The following SCN8A variants were observed in gnomAD, a reference collection of about 807,000 sequenced individuals.
SCN8A encodes sodium voltage-gated channel alpha subunit 8.
In SCN8A, 30 loss-of-function variants were observed where a neutral mutation model predicts 184.1. That is an observed-to-expected ratio of 0.16 (90% confidence interval 0.12 to 0.22). The LOEUF (loss-of-function observed/expected upper bound fraction) is 0.22. SCN8A is among the 10% of genes least tolerant of loss of function. SCN8A has a pLI of 1.00. For synonymous variants in SCN8A, 852 were observed against 907.0 expected (o/e 0.94, Z 1.09); for missense variants, 1,057 against 2,498.9 (o/e 0.42, Z 12.30).
intron 1 of SCN8A, among the ~76,000 whole-genome samples, chr12:51,640,125 T>C (rs1940415868): frequency 6.8e-6 from 1 of 147,428 alleles, no homozygotes; most frequent in African/African-American, 2.5e-5. Context: ...TGCCCAGGCT[T>C]GTCTTAAACT....
chr12:51,649,454 C>G (rs1311693702), intron 1 of SCN8A, among the ~76,000 whole-genome samples: 1 of 152,250 alleles, frequency 6.6e-6, no homozygotes, highest in African/African-American at 2.4e-5. Flanking sequence ...CGTCCTGCCC[C>G]ACAGCAAACT....
intron 1 of SCN8A, among the ~76,000 whole-genome samples, chr12:51,599,342 T>C (rs1259546395): frequency 6.6e-6 from 1 of 152,194 alleles, no homozygotes; most frequent in African/African-American, 2.4e-5. Context: ...AATAAATTGA[T>C]TTTTTAGGAA....
At position 51,786,527 on chromosome 12, in the gene SCN8A, C is replaced by T; in HGVS notation, c.3943-15C>T. On this transcript the variant is annotated splice_polypyrimidine_tract_variant and intron_variant, in intron 21 of 26. Transcript: ENST00000627620. ...ATTTCCACCCAACACTGAGCAACCT[C>T]CCCTTCCAATGCAGGTGGTGGTGAA... The T allele has an allele frequency of 6.2e-7, 1 of 1,614,026 alleles. No individual in the cohort carries two copies. The highest frequency in any genetic ancestry group is 8.5e-7 in the Non-Finnish European group (1 of 1,179,934).
intron 12 of SCN8A, among the ~76,000 whole-genome samples, chr12:51,733,993 A>T (rs1344711591): frequency 6.6e-6 from 1 of 151,868 alleles, no homozygotes. Context: ...AAGGTTTGTC[A>T]ATTTTGTTTA....
rs955288694 is a variant in SCN8A, at chr12:51,713,512, T to G, written c.1635+6797T>G. On this transcript the variant is annotated intron_variant, in intron 11 of 26. Transcript: ENST00000627620. ...ACCAATAAACAGTTTTCTCAACTGC[T>G]CTGGTTCCTTTGGGTCATGGCCCTC... 3 of 761,816 alleles carry G rather than the reference T, an allele frequency of 3.9e-6. No homozygotes were observed. The African/African-American group carries it at 5.1e-5, about 13-fold the overall frequency. The allele number at this position is 761,816 out of a possible 1,614,324, so 47.2% of individuals were successfully genotyped here. A position where few individuals can be genotyped will look rare whatever the true frequency, so the allele number is the denominator to read the frequency against.
At chr12:51,767,563 G>A (rs930875111) in intron 16 of SCN8A, among the ~76,000 whole-genome samples, 1 of 151,986 alleles carries the variant, frequency 6.6e-6, no homozygotes, top group African/African-American at 2.4e-5. Context: ...AATTCATTCA[G>A]TACTTTATAA....
chr12:51,695,247 C>T lies in SCN8A; in HGVS notation c.707-4323C>T, dbSNP rs369335681. ...AAGTATAAGCAGCTGAATACCATTT[C>T]CAATTAAGTTTCTACTTTAAACATC... is the stretch of plus-strand genomic sequence containing the variant. On this transcript the variant is annotated intron_variant, in intron 6 of 26. Coordinates refer to ENST00000627620, the MANE Select transcript of SCN8A (RefSeq NM_001330260.2). Among the ~76,000 whole-genome samples, 15 of 152,278 alleles carry T rather than the reference C, an allele frequency of 9.9e-5. No homozygotes were observed. In the South Asian group the frequency reaches 1.7e-3, roughly 17 times the overall value.
At chr12:51,632,873 A>AC (rs1940227393) in intron 1 of SCN8A, among the ~76,000 whole-genome samples, 1 of 151,870 alleles carries the variant, frequency 6.6e-6, no homozygotes, top group Non-Finnish European at 1.5e-5. Context: ...GCCTTCCATG[A>AC]CCTATATTCA....
At chr12:51,689,989 AC>A (rs199879628) in intron 6 of SCN8A, 4 of 150,218 alleles carry the variant, frequency 2.7e-5, no homozygotes, top group Admixed American at 1.3e-4. Context: ...AAGTTCACAG[AC>A]CCCCCCCGAA....
chr12:51,646,319 C>G (rs1940589597), intron 1 of SCN8A, among the ~76,000 whole-genome samples: 1 of 152,216 alleles, frequency 6.6e-6, no homozygotes, highest in Non-Finnish European at 1.5e-5. Flanking sequence ...GTGGGCCACA[C>G]AGCCTTTTGC....
chr12:51,698,413 A>G (rs1236241727), intron 6 of SCN8A, among the ~76,000 whole-genome samples: 1 of 152,142 alleles, frequency 6.6e-6, no homozygotes, highest in Non-Finnish European at 1.5e-5. Flanking sequence ...CAGGGATGAG[A>G]TTCTTCCTGA....
At chr12:51,684,088 T>C (rs1941379517) in intron 2 of SCN8A, 86 bp from the exon 3 acceptor site, 1 of 769,910 alleles carries the variant, frequency 1.3e-6, no homozygotes, top group Non-Finnish European at 2.3e-6. Flanking sequence ...CTTTTGAGTT[T>C]ATGTATTCCT....
intron 12 of SCN8A, chr12:51,722,129 C>G: frequency 1.5e-6 from 1 of 651,086 alleles, no homozygotes; most frequent in Non-Finnish European, 2.6e-6. Context: ...TATTACTCAC[C>G]CTGTCTTCTC....
intron 26 of SCN8A, among the ~76,000 whole-genome samples, chr12:51,795,324 G>C (rs1194773397): frequency 6.6e-6 from 1 of 152,226 alleles, no homozygotes; most frequent in Non-Finnish European, 1.5e-5. Flanking sequence ...GGGGGATGAT[G>C]TCCTGGCAGG....
chr12:51,613,501 T>C (rs1403182269), intron 1 of SCN8A, among the ~76,000 whole-genome samples: 1 of 152,148 alleles, frequency 6.6e-6, no homozygotes, highest in African/African-American at 2.4e-5. Context: ...TTCTTTTTTT[T>C]CCCTTTGGCT....
At chr12:51,595,939 A>G (rs2138547648) in intron 1 of SCN8A, among the ~76,000 whole-genome samples, 1 of 152,314 alleles carries the variant, frequency 6.6e-6, no homozygotes, top group Admixed American at 6.5e-5. Flanking sequence ...CCACCAACAC[A>G]GTGCAAATGT....
At chr12:51,655,997 CTT>C (rs1940815350) in intron 1 of SCN8A, among the ~76,000 whole-genome samples, 1 of 152,178 alleles carries the variant, frequency 6.6e-6, no homozygotes, top group East Asian at 1.9e-4. Context: ...TTCAGCCTCT[CTT>C]ATATAACTTA....
chr12:51,644,610 C>G (rs983213656), intron 1 of SCN8A, among the ~76,000 whole-genome samples: 1 of 152,208 alleles, frequency 6.6e-6, no homozygotes, highest in Non-Finnish European at 1.5e-5. Flanking sequence ...AGCAGCCTGC[C>G]TTGGCCTCCC....
intron 13 of SCN8A, among the ~76,000 whole-genome samples, chr12:51,749,820 AT>A (rs1167558326): frequency 5.3e-5 from 8 of 150,946 alleles, no homozygotes; most frequent in South Asian, 2.1e-4. Flanking sequence ...ATGTTAGGGA[AT>A]TTTTTTTTTC....
Sources: gnomAD v4.1 joint callset for allele counts (sites outside exome capture counted in the v4.1 genomes callset) on GRCh38, gnomAD v4.1.1 for gene constraint, MANE v1.5 for transcripts, NCBI Gene and HGNC (gene_info 2026-07-23, HGNC 2026-07-21) for gene names.